Variants in IL12RB1 observed in about 807,000 individuals in gnomAD.
The protein encoded by IL12RB1 is interleukin 12 receptor subunit beta 1, also known as interleukin-12 receptor subunit beta-1.
In IL12RB1, 64 loss-of-function variants were observed where a neutral mutation model predicts 94.4. The ratio of observed to expected loss-of-function variants is 0.68; its 90% CI spans 0.55 to 0.83. IL12RB1 has a LOEUF of 0.83. Among genes scored for constraint, IL12RB1 ranks in the 40% least tolerant of loss-of-function variants. The pLI, the probability that IL12RB1 is intolerant of heterozygous loss-of-function variation, is 0.00. For missense variants in IL12RB1, 814 were observed against 855.6 expected (o/e 0.95, Z 0.61); for synonymous variants, 362 against 355.5 (o/e 1.02, Z -0.21).
chr19:18,063,165 G>T (rs142450148), intron 13 of IL12RB1, among the ~76,000 whole-genome samples: 3 of 125,062 alleles, frequency 2.4e-5, no homozygotes, highest in Non-Finnish European at 4.7e-5. Context: ...GTGCAGTCAC[G>T]GCTCACTGCA....
rs145859728 is a variant in IL12RB1, at chr19:18,062,361, T to G, written c.1619-84A>C. ...GAGCTAGGAGGGCCTGGTTTCTCCA[T>G]GAACTTGCTGCTGATCCTGGTGCAC... On this transcript the variant is annotated intron_variant, in intron 13 of 16. Coordinates refer to ENST00000593993, the MANE Select transcript of IL12RB1 (RefSeq NM_005535.3). 5.0e-4 allele frequency: 394 copies of G among 791,928 alleles called. No homozygotes were observed. In the African/African-American group the frequency reaches 6.2e-3, roughly 13 times the overall value. The allele number at this position is 791,928 out of a possible 1,614,324, so 49.1% of individuals were successfully genotyped here.
intron 8 of IL12RB1, 80 bp from the exon 9 acceptor site, chr19:18,072,429 T>C (rs2035131207): frequency 2.2e-6 from 2 of 910,830 alleles, no homozygotes; most frequent in Non-Finnish European, 3.7e-6. Context: ...GCACAGCCTA[T>C]GAAGACAGAC....
intron 1 of IL12RB1, 94 bp from the exon 2 acceptor site, chr19:18,083,585 G>T: frequency 8.1e-7 from 1 of 1,228,768 alleles, no homozygotes; most frequent in Non-Finnish European, 1.2e-6. Flanking sequence ...GTGATCATCA[G>T]CCCTCCCACC....
Position 18,082,234 on chromosome 19 carries a change from C to T in IL12RB1, c.155G>A (p.Cys52Tyr). 1 of 1,613,470 alleles carries T rather than the reference C, an allele frequency of 6.2e-7. No homozygotes were observed. Among genetic ancestry groups the T allele is most frequent in the African/African-American group, 1.3e-5 (1 of 75,020 alleles). ...GSASGPRDLR[C>Y]YRISSDRYEC... The stretch of plus-strand genomic sequence containing the variant: ...GTAACGATCACTGGATATCCGATAG[C>T]ATCTCAGGTCCCTAGGGCCCGAGGC... The change falls in exon 3 of 17, where the codon TGC becomes TAC. Residue 52 changes from cysteine to tyrosine, a missense_variant. Transcript: ENST00000593993.
At position 18,077,623 on chromosome 19, in the gene IL12RB1, C is replaced by T. The variant is rs766767626; in HGVS notation, c.442G>A (p.Val148Met). 23 of 1,594,412 alleles carry T rather than the reference C, an allele frequency of 1.4e-5. No homozygotes were observed. The highest frequency in any genetic ancestry group is 2.0e-5 in the Non-Finnish European group (23 of 1,162,186). The part of the protein sequence containing the change: ...KYEPPLGDIK[V>M]SKLAGQLRME... Reference sequence around the variant, plus strand: ...CGCAGCTGCCCGGCCAACTTGGACACCTTGATGTCTCCCAGAGGAGGCTCA... The same window carrying T: ...CGCAGCTGCCCGGCCAACTTGGACATCTTGATGTCTCCCAGAGGAGGCTCA... Residue 148 changes from valine (V) to methionine (M), a missense_variant, in exon 5 of 17, where the codon GTG becomes ATG. Val to Met is a conservative substitution (Grantham distance 21, BLOSUM62 1). Transcript: ENST00000593993.
chr19:18,069,764 A>G (rs1257564863), intron 9 of IL12RB1, 51 bp from the exon 10 acceptor site: 1 of 1,351,686 alleles, frequency 7.4e-7, no homozygotes, highest in Admixed American at 1.7e-5. Flanking sequence ...CTCTCTCCCC[A>G]GTCCCCTTCT....
Position 18,070,565 on chromosome 19 carries a change from G to C in IL12RB1, c.1022-852C>G, listed in dbSNP as rs1599489804. On this transcript the variant is annotated intron_variant, in intron 9 of 16. Transcript: ENST00000593993. ...AGATGGATACTGCTTGCAATTCTGG[G>C]GATAGCAACAGCCGTTTATTGAGTA... The C allele has an allele frequency of 3.0e-6, 3 of 983,886 alleles. No individual in the cohort carries two copies. In the African/African-American group the frequency reaches 5.2e-5, roughly 17 times the overall value. 60.9% of individuals were successfully genotyped at this position (983,886 alleles called of 1,614,324 possible). A position where few individuals can be genotyped will look rare whatever the true frequency, so the allele number is the denominator to read the frequency against.
intron 12 of IL12RB1, among the ~76,000 whole-genome samples, chr19:18,064,962 G>C (rs1179499846): frequency 1.3e-5 from 2 of 152,148 alleles, no homozygotes; most frequent in Non-Finnish European, 1.5e-5. Context: ...TACCGCCCCT[G>C]TCCACGGCAA....
At position 18,082,105 on chromosome 19, in the gene IL12RB1, G is replaced by C. The variant is rs371565671; in HGVS notation, c.239+45C>G. 9.0e-6 allele frequency: 11 copies of C among 1,220,572 alleles called. No homozygotes were observed. The African/African-American group carries it at 1.6e-4, about 18-fold the overall frequency. The allele number at this position is 1,220,572 out of a possible 1,614,324, so 75.6% of individuals were successfully genotyped here. Reference sequence around the variant, plus strand: ...GGCACCAGAGGGGGTTGAAGCAAGAGTGGGATGGTGGGTGAGGGTTTGGGA... The same window carrying C: ...GGCACCAGAGGGGGTTGAAGCAAGACTGGGATGGTGGGTGAGGGTTTGGGA... On this transcript the variant is annotated intron_variant, in intron 3 of 16. Coordinates refer to ENST00000593993, the MANE Select transcript of IL12RB1 (RefSeq NM_005535.3).
chr19:18,064,744 G>C (rs2034450346), intron 12 of IL12RB1, among the ~76,000 whole-genome samples: 1 of 152,196 alleles, frequency 6.6e-6, no homozygotes, highest in Non-Finnish European at 1.5e-5. Context: ...AAAGTGCTGG[G>C]ATTACAGGCG....
At chr19:18,069,162 G>A (rs944811825) in intron 10 of IL12RB1, among the ~76,000 whole-genome samples, 11 of 152,162 alleles carry the variant, frequency 7.2e-5, no homozygotes, top group Admixed American at 3.9e-4. Flanking sequence ...AGCAGGAAGC[G>A]GGAGAGTGAG....
chr19:18,082,941 G>C (rs11667720), intron 2 of IL12RB1, among the ~76,000 whole-genome samples: 58,683 of 151,644 alleles, frequency 0.39, 12,281 homozygotes, highest in South Asian at 0.58. Flanking sequence ...AAATTAGCCG[G>C]GTGTGGTGGC....
Position 18,076,299 on chromosome 19 carries a change from G to C in IL12RB1, c.578C>G (p.Thr193Ser), listed in dbSNP as rs1419787346. Residue 193 changes from threonine to serine, a missense_variant and splice_region_variant, in exon 6 of 17, where the codon ACT (threonine) becomes AGT (serine). By Grantham distance (58) the Thr-to-Ser change is moderately conservative. Coordinates refer to ENST00000593993, the MANE Select transcript of IL12RB1 (RefSeq NM_005535.3). ...GTCATTACTATTATTATTCTCACCA[G>C]TATCATCATCCTGAGGTCCGCAGTC... ...LGDCGPQDDD[T>S]ESCLCPLEMN... The C allele has an allele frequency of 7.1e-7, 1 of 1,403,918 alleles. No homozygotes were observed. Among genetic ancestry groups the C allele is most frequent in the African/African-American group, 1.4e-5 (1 of 70,990 alleles). 87.0% of individuals were successfully genotyped at this position (1,403,918 alleles called of 1,614,324 possible).
intron 13 of IL12RB1, among the ~76,000 whole-genome samples, chr19:18,063,078 ATTTTTTTTTTTTTTTTTT>A (rs67262412): frequency 7.6e-4 from 39 of 51,464 alleles, no homozygotes; most frequent in African/African-American, 2.6e-3. Flanking sequence ...TTCTTCTTCT[ATTTTTTTTTTTTTTTTTT>A]TTTTTTTTTT....
At chr19:18,081,827 G>T (rs1483729262) in intron 3 of IL12RB1, among the ~76,000 whole-genome samples, 2 of 146,704 alleles carry the variant, frequency 1.4e-5, no homozygotes, top group Non-Finnish European at 3.0e-5. Flanking sequence ...CTCAAAAAAA[G>T]AAAAAAAGAA....
chr19:18,088,287 G>A (rs566790108), upstream of IL12RB1, among the ~76,000 whole-genome samples: 3 of 151,994 alleles, frequency 2.0e-5, no homozygotes, highest in African/African-American at 7.2e-5. Context: ...TGAGGAGGCT[G>A]AGGCAGGAGA....
At chr19:18,073,028 C>T (rs1327407629) in intron 8 of IL12RB1, among the ~76,000 whole-genome samples, 1 of 151,328 alleles carries the variant, frequency 6.6e-6, no homozygotes, top group Non-Finnish European at 1.5e-5. Context: ...TTTGCTACAG[C>T]CTTATAGTAA....
intron 8 of IL12RB1, 70 bp downstream of exon 8, chr19:18,073,446 TC>T: frequency 2.2e-6 from 2 of 924,982 alleles, no homozygotes; most frequent in Non-Finnish European, 3.6e-6. Flanking sequence ...CACTTGCTCA[TC>T]CCCCGCCTAG....
chr19:18,087,504 C>T (rs532736736), upstream of IL12RB1, among the ~76,000 whole-genome samples: 1 of 151,932 alleles, frequency 6.6e-6, no homozygotes, highest in Non-Finnish European at 1.5e-5. Flanking sequence ...GCTACCGTGC[C>T]TGGCTGCCAA....
Sources: gnomAD v4.1 joint callset for allele counts (sites outside exome capture counted in the v4.1 genomes callset) on GRCh38, gnomAD v4.1.1 for gene constraint, MANE v1.5 for transcripts, NCBI Gene and HGNC (gene_info 2026-07-23, HGNC 2026-07-21) for gene names.